The following TBC1D5 variants were observed in gnomAD, a reference collection of about 807,000 sequenced individuals.
The protein encoded by TBC1D5 is TBC1 domain family member 5.
Under a neutral mutation model 100.3 loss-of-function variants are expected in TBC1D5, and 75 were observed. That is an observed-to-expected ratio of 0.75 (90% confidence interval 0.62 to 0.91). The LOEUF (loss-of-function observed/expected upper bound fraction) is 0.91, where lower values mean the gene tolerates loss of function less well. TBC1D5 is among the 40% of genes least tolerant of loss of function. The pLI is 0.00. For missense variants in TBC1D5, 910 were observed against 942.4 expected, an observed-to-expected ratio of 0.97 and a Z score of 0.45; for synonymous variants, 323 against 325.6, an observed-to-expected ratio of 0.99 and a Z score of 0.09.
intron 2 of TBC1D5, among the ~76,000 whole-genome samples, chr3:17,600,657 G>A (rs1453365120): frequency 6.6e-6 from 1 of 152,062 alleles, no homozygotes; most frequent in East Asian, 1.9e-4. Flanking sequence ...CATATGACAA[G>A]ACTTTTGGTT....
chr3:17,636,978 A>G (rs1434400780), intron 1 of TBC1D5, among the ~76,000 whole-genome samples: 2 of 151,940 alleles, frequency 1.3e-5, no homozygotes, highest in Non-Finnish European at 2.9e-5. Context: ...TACTAAATGA[A>G]TGCCAAATGG....
chr3:17,179,666 T>C (rs1001866072), intron 19 of TBC1D5, among the ~76,000 whole-genome samples: 3 of 152,158 alleles, frequency 2.0e-5, no homozygotes, highest in Non-Finnish European at 4.4e-5. Flanking sequence ...AAAGAACAGC[T>C]AGGTTGACTT....
chr3:17,166,835 A>G (rs202138838), exon 21 of TBC1D5: 2 of 1,614,238 alleles, frequency 1.2e-6, no homozygotes, highest in Non-Finnish European at 1.7e-6. Flanking sequence ...CCGCTGGAGC[A>G]GTAGTGGTTG....
intron 1 of TBC1D5, among the ~76,000 whole-genome samples, chr3:17,662,765 C>G (rs1024323707): frequency 6.6e-6 from 1 of 151,914 alleles, no homozygotes; most frequent in Non-Finnish European, 1.5e-5. Flanking sequence ...TTGTAACACC[C>G]CTTAATAGGT....
intron 15 of TBC1D5, among the ~76,000 whole-genome samples, chr3:17,289,632 CAAA>C (rs34174909): frequency 3.9e-5 from 5 of 129,650 alleles, no homozygotes; most frequent in Middle Eastern, 3.8e-3. Flanking sequence ...GACTCCATCT[CAAA>C]AAAAAAAAAA....
intron 3 of TBC1D5, among the ~76,000 whole-genome samples, chr3:17,482,030 C>T (rs1306683913): frequency 3.3e-5 from 5 of 152,262 alleles, no homozygotes; most frequent in Middle Eastern, 3.4e-3. Context: ...CATGGGCCAC[C>T]GCGCCTGGCC....
chr3:17,515,705 C>T (rs995804675), intron 2 of TBC1D5, among the ~76,000 whole-genome samples: 1 of 152,108 alleles, frequency 6.6e-6, no homozygotes, highest in Admixed American at 6.6e-5. Context: ...TTCTCGCATG[C>T]AAGCTGTTTC....
At chr3:17,184,417 T>G (rs1436020232) in intron 19 of TBC1D5, among the ~76,000 whole-genome samples, 2 of 152,252 alleles carry the variant, frequency 1.3e-5, no homozygotes, top group Non-Finnish European at 2.9e-5. Flanking sequence ...GCTGATTATT[T>G]GATCTTGAAA....
intron 21 of TBC1D5, among the ~76,000 whole-genome samples, chr3:17,163,854 AATAG>A (rs1242893140): frequency 4.6e-5 from 7 of 152,324 alleles, no homozygotes; most frequent in African/African-American, 1.7e-4. Context: ...TTTAATTTTA[AATAG>A]ATAGATACGT....
chr3:17,262,953 G>A (rs888340067), intron 15 of TBC1D5, among the ~76,000 whole-genome samples: 3 of 152,046 alleles, frequency 2.0e-5, no homozygotes, highest in African/African-American at 7.2e-5. Flanking sequence ...TAGGCTGGGT[G>A]CAGTGGTTCA....
intron 14 of TBC1D5, among the ~76,000 whole-genome samples, chr3:17,302,724 G>A (rs775274941): frequency 6.6e-6 from 1 of 152,104 alleles, no homozygotes; most frequent in African/African-American, 2.4e-5. Flanking sequence ...CCCAAGGAAG[G>A]CATGTCATCA....
intron 3 of TBC1D5, among the ~76,000 whole-genome samples, chr3:17,449,878 C>T (rs2094885221): frequency 6.6e-6 from 1 of 152,234 alleles, no homozygotes. Flanking sequence ...TGCTCAAGCT[C>T]TGCTAAGGGA....
At chr3:17,737,781 T>C (rs1452651557) in intron 1 of TBC1D5, among the ~76,000 whole-genome samples, 1 of 151,768 alleles carries the variant, frequency 6.6e-6, no homozygotes, top group East Asian at 1.9e-4. Context: ...TAACATGTAA[T>C]CATCTGTAAT....
chr3:17,292,216 T>A (rs1237223754), intron 14 of TBC1D5, among the ~76,000 whole-genome samples: 3 of 152,198 alleles, frequency 2.0e-5, no homozygotes, highest in African/African-American at 7.2e-5. Flanking sequence ...GCACTTAACC[T>A]CAGGGGGTGC....
intron 15 of TBC1D5, among the ~76,000 whole-genome samples, chr3:17,260,766 G>A (rs981445095): frequency 1.3e-5 from 2 of 152,064 alleles, no homozygotes; most frequent in African/African-American, 4.8e-5. Context: ...AAATTTTCTA[G>A]TAGCCACATT....
chr3:17,593,197 T>C (rs1364388154), intron 2 of TBC1D5, among the ~76,000 whole-genome samples: 2 of 152,078 alleles, frequency 1.3e-5, no homozygotes, highest in African/African-American at 4.8e-5. Flanking sequence ...AATAGAAGAT[T>C]AGGTGACCTC....
Position 17,619,796 on chromosome 3 carries a change from A to C in TBC1D5, c.-36+4053T>G, listed in dbSNP as rs562474771. Among the ~76,000 whole-genome samples, 2 of 152,370 alleles carry C rather than the reference A, an allele frequency of 1.3e-5. 1 individual carries two copies. The highest frequency in any genetic ancestry group is 4.1e-4 in the South Asian group (2 of 4,828). On this transcript the variant is annotated intron_variant, in intron 2 of 21. Transcript: ENST00000253692. ...AAAAAACAGGTAACAAACTGGAAGGAAACATTTGCAACATATATCACAGAT... is the reference window on the plus strand; with the variant it reads ...AAAAAACAGGTAACAAACTGGAAGGCAACATTTGCAACATATATCACAGAT...
intron 1 of TBC1D5, among the ~76,000 whole-genome samples, chr3:17,659,815 C>T (rs1015363002): frequency 6.6e-6 from 1 of 152,058 alleles, no homozygotes; most frequent in Non-Finnish European, 1.5e-5. Flanking sequence ...GCTCTTTCTG[C>T]CATCAATTTA....
intron 3 of TBC1D5, among the ~76,000 whole-genome samples, chr3:17,448,478 T>C (rs2094849689): frequency 1.3e-5 from 2 of 152,244 alleles, no homozygotes; most frequent in African/African-American, 4.8e-5. Context: ...ATGGCAGCTA[T>C]GAATTATGAA....
Sources: allele counts gnomAD v4.1 joint callset (sites outside exome capture counted in the v4.1 genomes callset), GRCh38; gene constraint gnomAD v4.1.1; transcripts MANE v1.5; gene names NCBI Gene and HGNC (gene_info 2026-07-23, HGNC 2026-07-21).